Variants in CHD7 observed in about 807,000 individuals in gnomAD.
The protein encoded by CHD7 is ATP-dependent chromatin remodeler CHD7.
Under a neutral mutation model 307.3 loss-of-function variants are expected in CHD7, and 24 were observed. That is an observed-to-expected ratio of 0.08 (90% CI 0.06 to 0.11). The LOEUF (loss-of-function observed/expected upper bound fraction) is 0.11, where lower values mean the gene tolerates loss of function less well. CHD7 is among the 10% of genes least tolerant of loss of function. The probability of loss-of-function intolerance (pLI) is 1.00; values close to 1 mark genes in which losing one functional copy is unlikely to be tolerated. For missense variants in CHD7, 3,106 were observed against 3,727.1 expected (o/e 0.83, Z 4.34); for synonymous variants, 1,363 against 1,349.9 (o/e 1.01, Z -0.21).
chr8:60,707,792 T>C (rs1340692494), intron 1 of CHD7, among the ~76,000 whole-genome samples: 3 of 152,232 alleles, frequency 2.0e-5, no homozygotes, highest in Non-Finnish European at 4.4e-5. Context: ...GAGATTTTAA[T>C]TTGCTGGACT....
At chr8:60,806,472 T>C (rs1029434933) in intron 6 of CHD7, among the ~76,000 whole-genome samples, 4 of 152,202 alleles carry the variant, frequency 2.6e-5, no homozygotes, top group African/African-American at 9.7e-5. Flanking sequence ...ATAAATTAAT[T>C]CCATGTTCCA....
chr8:60,808,229 G>T lies in CHD7; in HGVS notation c.2455G>T (p.Glu819Ter). 1 of 1,597,092 alleles carries T rather than the reference G, an allele frequency of 6.3e-7. No homozygotes were observed. The change falls in exon 7 of 38, where the codon GAG becomes TAG. Residue 819 changes from glutamate (E) to a stop codon, truncating the protein, a stop_gained. Coordinates refer to ENST00000423902, the MANE Select transcript of CHD7 (RefSeq NM_017780.4). LOFTEE classifies it high-confidence loss of function. ...RSVKKQKESGEEVEIEEFYVK... is the reference protein window; with the variant it reads ...RSVKKQKESG ...TCTTTTGTTGCAGAAGGAATCTGGA[G>T]AGGAGGTAGAAATTGAGGAATTCTA...
intron 29 of CHD7, 63 bp from the exon 30 acceptor site, chr8:60,852,435 G>A: frequency 1.4e-6 from 2 of 1,475,772 alleles, no homozygotes; most frequent in East Asian, 4.7e-5. Context: ...AAGAAGAAAA[G>A]AAACAGTAAA....
At chr8:60,855,754 G>T (rs183919596) in intron 32 of CHD7, among the ~76,000 whole-genome samples, 43 of 152,340 alleles carry the variant, frequency 2.8e-4, no homozygotes, top group Admixed American at 2.2e-3. Flanking sequence ...CATGTTTTCT[G>T]TGTTGAAGCC....
rs371405250 is a variant in CHD7 at position 60,841,775 on chromosome 8, G to A, written c.4644+21G>A. On this transcript the variant is annotated intron_variant, in intron 20 of 37. Transcript: ENST00000423902. ...GGAGGGTGAGTAAGAAGTCCCATTC[G>A]AACACCTATCTGATCTAAACCAAGA... The A allele has an allele frequency of 9.4e-6, 15 of 1,602,158 alleles. No individual in the cohort carries two copies. In the African/African-American group the frequency reaches 1.3e-4, roughly 14 times the overall value.
intron 2 of CHD7, among the ~76,000 whole-genome samples, chr8:60,774,339 G>A (rs1810851693): frequency 1.3e-5 from 2 of 152,216 alleles, no homozygotes; most frequent in Non-Finnish European, 2.9e-5. Flanking sequence ...GGCATTACAG[G>A]AACTGAAGAT....
chr8:60,727,925 A>ACAGGCCT (rs1381357707), intron 1 of CHD7, among the ~76,000 whole-genome samples: 2 of 152,206 alleles, frequency 1.3e-5, no homozygotes, highest in Admixed American at 6.5e-5. Flanking sequence ...TACCCAAGCC[A>ACAGGCCT]CAGGCCTCGT....
At chr8:60,743,123 G>T (rs375951636) in intron 2 of CHD7, 26 bp downstream of exon 2, 5 of 1,583,640 alleles carry the variant, frequency 3.2e-6, no homozygotes, top group Non-Finnish European at 4.3e-6. Flanking sequence ...GCCTACCTCT[G>T]CATTGCAGTG....
chr8:60,728,092 C>T lies in CHD7; in HGVS notation c.-174-13167C>T, dbSNP rs147273075. On this transcript the variant is annotated intron_variant, in intron 1 of 37. Transcript: ENST00000423902. Reference sequence around the variant, plus strand: ...GTACCTTTCTCTTCCAGTCTGTGCTCCACAGTTTAGTAAAATGCACAACTC... The same window carrying T: ...GTACCTTTCTCTTCCAGTCTGTGCTTCACAGTTTAGTAAAATGCACAACTC... 7.2e-3 allele frequency among the ~76,000 whole-genome samples: 1,090 copies of T among 152,312 alleles called. 12 individuals carry two copies. Among genetic ancestry groups the T allele is most frequent in the African/African-American group, 0.024 (1,013 of 41,562 alleles).
chr8:60,842,404 G>A (rs538356125), intron 21 of CHD7, among the ~76,000 whole-genome samples: 87 of 152,286 alleles, frequency 5.7e-4, no homozygotes, highest in Middle Eastern at 3.4e-3. Flanking sequence ...TATGACTGTC[G>A]TAAGCTTTTA....
chr8:60,852,104 T>A lies in CHD7; in HGVS notation c.5751T>A (p.Ile1917=). ...STLTTRLRRL[I]TAYQRSYKRQ... ...TGACTACACGTCTGCGCCGGCTCATTACTGCCTATCAGCGCAGCTATAAAA... is the reference window on the plus strand; with the variant it reads ...TGACTACACGTCTGCGCCGGCTCATAACTGCCTATCAGCGCAGCTATAAAA... The change falls in exon 29 of 38, where the codon ATT becomes ATA. Residue 1917 remains isoleucine, a synonymous_variant. Transcript: ENST00000423902. 6.2e-7 allele frequency: 1 copy of A among 1,613,992 alleles called. No individual in the cohort carries two copies. The highest frequency in any genetic ancestry group is 8.5e-7 in the Non-Finnish European group (1 of 1,179,874).
intron 11 of CHD7, 131 bp from the exon 12 acceptor site, chr8:60,822,372 G>T (rs1258311770): frequency 1.1e-6 from 1 of 891,224 alleles, no homozygotes; most frequent in East Asian, 2.8e-5. Flanking sequence ...AATATATTTT[G>T]TTGAATCTAA....
intron 1 of CHD7, among the ~76,000 whole-genome samples, chr8:60,726,975 C>A (rs997944727): frequency 2.0e-5 from 3 of 152,134 alleles, no homozygotes; most frequent in Non-Finnish European, 2.9e-5. Flanking sequence ...GTGCCTACTT[C>A]TATTAGTGTT....
chr8:60,850,467 T>C (rs991411746), intron 25 of CHD7, 26 bp from the exon 26 acceptor site: 1 of 1,586,916 alleles, frequency 6.3e-7, no homozygotes, highest in African/African-American at 1.3e-5. Context: ...CTGTGTGTTT[T>C]CTGTGCACGG....
At chr8:60,706,553 A>G (rs1563531173) in intron 1 of CHD7, among the ~76,000 whole-genome samples, 1 of 152,176 alleles carries the variant, frequency 6.6e-6, no homozygotes, top group Non-Finnish European at 1.5e-5. Context: ...TTTTTAATAG[A>G]GGATTTTGCT....
chr8:60,724,789 A>G (rs1015500863), intron 1 of CHD7, among the ~76,000 whole-genome samples: 64 of 152,204 alleles, frequency 4.2e-4, no homozygotes, highest in African/African-American at 1.5e-3. Flanking sequence ...AAACTTTAAC[A>G]TTTATAAACT....
chr8:60,838,349 G>A lies in CHD7; in HGVS notation c.4533+94G>A. 1.3e-5 allele frequency: 15 copies of A among 1,120,516 alleles called. No homozygotes were observed. In the South Asian group the frequency reaches 2.1e-4, roughly 15 times the overall value. The allele number at this position is 1,120,516 out of a possible 1,614,324, so 69.4% of individuals were successfully genotyped here. A position where few individuals can be genotyped will look rare whatever the true frequency, so the allele number is the denominator to read the frequency against. ...GTAAAAGTGCTTACAAGATGCATTG[G>A]GAATTAATCAAATTAATCATTAACT... On this transcript the variant is annotated intron_variant, in intron 19 of 37. Transcript: ENST00000423902.
intron 1 of CHD7, among the ~76,000 whole-genome samples, chr8:60,710,388 C>G (rs1423717427): frequency 6.6e-6 from 1 of 152,152 alleles, no homozygotes; most frequent in African/African-American, 2.4e-5. Context: ...GGTGTCGATT[C>G]ACTCAAGACA....
rs777652245 is a variant in CHD7 at position 60,845,042 on chromosome 8, C to A, written c.5029C>A (p.Arg1677=). 9.9e-6 allele frequency: 16 copies of A among 1,613,946 alleles called. No individual in the cohort carries two copies. The Admixed American group carries it at 2.7e-4, about 27-fold the overall frequency. The stretch of plus-strand genomic sequence containing the variant: ...CACACCCACAGCGGATGGCCAGACT[C>A]GAGCCTTGGTCAACCATTCCGGTAG... The part of the protein sequence containing the change: ...LITPTADGQT[R]ALVNHSGLSA... The change falls in exon 22 of 38, where the codon CGA becomes AGA. Residue 1677 remains arginine, a synonymous_variant. Coordinates refer to ENST00000423902, the MANE Select transcript of CHD7 (RefSeq NM_017780.4).
Sources: gnomAD v4.1 joint callset for allele counts (sites outside exome capture counted in the v4.1 genomes callset) on GRCh38, gnomAD v4.1.1 for gene constraint, MANE v1.5 for transcripts, NCBI Gene and HGNC (gene_info 2026-07-23, HGNC 2026-07-21) for gene names.